The following NAALADL2 variants were observed in gnomAD, a reference collection of about 807,000 sequenced individuals.
NAALADL2 encodes inactive N-acetylated-alpha-linked acidic dipeptidase-like protein 2.
Under a neutral mutation model 87.2 loss-of-function variants are expected in NAALADL2, and 76 were observed. The observed-to-expected ratio is 0.87, with a 90% CI of 0.72 to 1.05. The LOEUF is 1.05. NAALADL2 is among the 50% of genes least tolerant of loss of function. The pLI is 0.00. For missense variants in NAALADL2, 1,089 were observed against 945.8 expected (o/e 1.15, Z -1.99); for synonymous variants, 354 against 331.0 (o/e 1.07, Z -0.75).
intron 9 of NAALADL2, among the ~76,000 whole-genome samples, chr3:175,570,498 T>G (rs1717895471): frequency 6.6e-6 from 1 of 152,214 alleles, no homozygotes; most frequent in South Asian, 2.1e-4. Context: ...ATTGGTACTT[T>G]ACTATACTGT....
chr3:175,078,094 T>G (rs916063298), intron 1 of NAALADL2, among the ~76,000 whole-genome samples: 2 of 151,842 alleles, frequency 1.3e-5, no homozygotes, highest in Admixed American at 1.3e-4. Context: ...GCATAATCTC[T>G]GATCACTGCA....
rs112213520 is a variant in NAALADL2, at chr3:174,557,901, A to G, written c.-115+7264A>G. 2.0e-5 allele frequency among the ~76,000 whole-genome samples: 3 copies of G among 152,262 alleles called. No individual in the cohort carries two copies. In the East Asian group the frequency reaches 5.8e-4, roughly 30 times the overall value. ...CTTCTAGCGGAGTCAAACAGGAAGCACTTAATTCCTCCAGCAATGATTTGT... is the reference window on the plus strand; with the variant it reads ...CTTCTAGCGGAGTCAAACAGGAAGCGCTTAATTCCTCCAGCAATGATTTGT... On this transcript the variant is annotated intron_variant, in intron 2 of 3. Transcript: ENST00000434257.
intron 2 of NAALADL2, among the ~76,000 whole-genome samples, chr3:174,640,300 T>G (rs1195909067): frequency 6.6e-6 from 1 of 152,178 alleles, no homozygotes; most frequent in African/African-American, 2.4e-5. Flanking sequence ...TCTTTAGCTG[T>G]GCCTCAAAGG....
chr3:175,691,381 C>T (rs1434694056), intron 11 of NAALADL2, among the ~76,000 whole-genome samples: 1 of 151,138 alleles, frequency 6.6e-6, no homozygotes, highest in East Asian at 1.9e-4. Context: ...ATTTCGGATT[C>T]ACTGTTTTAT....
chr3:174,948,233 T>A (rs111512111), intron 1 of NAALADL2, among the ~76,000 whole-genome samples: 5,330 of 152,098 alleles, frequency 0.035, 309 homozygotes, highest in African/African-American at 0.12. Flanking sequence ...CTGGAGTGCA[T>A]TGGCTTGATC....
At chr3:175,374,916 A>AAG (rs1766961600) in intron 5 of NAALADL2, among the ~76,000 whole-genome samples, 2 of 148,324 alleles carry the variant, frequency 1.3e-5, no homozygotes, top group Non-Finnish European at 3.0e-5. Flanking sequence ...AAATAAATAA[A>AAG]TAAGTCAAGT....
intron 2 of NAALADL2, among the ~76,000 whole-genome samples, chr3:175,214,987 C>T (rs1190866922): frequency 1.3e-5 from 2 of 152,112 alleles, no homozygotes; most frequent in African/African-American, 4.8e-5. Context: ...GTTTATGGTA[C>T]TTTAAACTAT....
chr3:174,853,667 C>T (rs1015953021), intron 3 of NAALADL2, among the ~76,000 whole-genome samples: 10 of 151,936 alleles, frequency 6.6e-5, no homozygotes, highest in African/African-American at 2.4e-4. Flanking sequence ...ATGTAAAGAG[C>T]TCTAACAACT....
At chr3:174,982,803 T>A (rs7627632) in intron 1 of NAALADL2, among the ~76,000 whole-genome samples, 58,239 of 149,616 alleles carry the variant, frequency 0.39, 12,972 homozygotes, top group Non-Finnish European at 0.52. Context: ...CAGGTTAAAA[T>A]TTTTTTTTTT....
At chr3:174,953,645 T>A (rs1740743571) in intron 1 of NAALADL2, among the ~76,000 whole-genome samples, 1 of 151,836 alleles carries the variant, frequency 6.6e-6, no homozygotes, top group South Asian at 2.1e-4. Flanking sequence ...ATGCACGGTG[T>A]CTATTCCCTT....
chr3:174,763,524 T>A (rs1396183007), intron 3 of NAALADL2, among the ~76,000 whole-genome samples: 10 of 132,078 alleles, frequency 7.6e-5, no homozygotes. Flanking sequence ...AAGGTAGAGG[T>A]TGCAGTGAAC....
At chr3:175,592,630 A>G (rs901503311) in intron 10 of NAALADL2, among the ~76,000 whole-genome samples, 3 of 151,540 alleles carry the variant, frequency 2.0e-5, no homozygotes, top group African/African-American at 7.3e-5. Context: ...TCAGTAAACT[A>G]TAGCAAGAAC....
chr3:175,496,540 A>C (rs947440161), intron 9 of NAALADL2, among the ~76,000 whole-genome samples: 1 of 152,100 alleles, frequency 6.6e-6, no homozygotes, highest in African/African-American at 2.4e-5. Context: ...TATTGAAGCT[A>C]ACACTATTTT....
At chr3:175,687,166 C>A (rs1169078905) in intron 11 of NAALADL2, among the ~76,000 whole-genome samples, 1 of 151,984 alleles carries the variant, frequency 6.6e-6, no homozygotes, top group Non-Finnish European at 1.5e-5. Flanking sequence ...AACTCAATAA[C>A]AAATTATCTG....
At chr3:175,608,902 C>G (rs1724171224) in intron 10 of NAALADL2, among the ~76,000 whole-genome samples, 1 of 151,788 alleles carries the variant, frequency 6.6e-6, no homozygotes, top group Non-Finnish European at 1.5e-5. Context: ...AAAATATTTA[C>G]CAAACAAAAT....
intron 9 of NAALADL2, among the ~76,000 whole-genome samples, chr3:175,540,103 G>T (rs916285353): frequency 2.0e-5 from 3 of 152,132 alleles, no homozygotes; most frequent in African/African-American, 7.2e-5. Flanking sequence ...AGAAATAGGG[G>T]ATTACTTTGA....
chr3:175,050,509 T>C (rs1478113536), intron 1 of NAALADL2, among the ~76,000 whole-genome samples: 1 of 152,156 alleles, frequency 6.6e-6, no homozygotes, highest in Non-Finnish European at 1.5e-5. Context: ...ATGTTTAATA[T>C]TAGAAGTGTT....
intron 1 of NAALADL2, among the ~76,000 whole-genome samples, chr3:174,907,768 G>A (rs1231427653): frequency 3.9e-5 from 6 of 152,016 alleles, no homozygotes; most frequent in African/African-American, 1.5e-4. Context: ...GTATAGATGG[G>A]AGTTTGGCTC....
At chr3:175,238,993 C>A (rs1231163046) in intron 3 of NAALADL2, among the ~76,000 whole-genome samples, 1 of 152,158 alleles carries the variant, frequency 6.6e-6, no homozygotes, top group Non-Finnish European at 1.5e-5. Context: ...CATGTCCATT[C>A]ATCATAGGAC....
Sources: allele counts gnomAD v4.1 joint callset (sites outside exome capture counted in the v4.1 genomes callset), GRCh38; gene constraint gnomAD v4.1.1; transcripts MANE v1.5; gene names NCBI Gene and HGNC (gene_info 2026-07-23, HGNC 2026-07-21).